STRBP: variants seen among roughly 807,000 people sequenced by gnomAD.
STRBP encodes the protein spermatid perinuclear RNA-binding protein.
A neutral mutation model predicts 80.1 loss-of-function variants in STRBP; 13 were observed. The observed-to-expected ratio is 0.16, with a 90% CI of 0.11 to 0.26. The LOEUF (loss-of-function observed/expected upper bound fraction) is 0.26, where lower values mean the gene tolerates loss of function less well. Ranked by LOEUF, STRBP falls within the 10% of genes least tolerant of loss-of-function variation. The probability of loss-of-function intolerance (pLI) is 1.00; values close to 1 mark genes in which losing one functional copy is unlikely to be tolerated. For synonymous variants in STRBP, 284 were observed against 291.2 expected, an observed-to-expected ratio of 0.98 and a Z score of 0.25; for missense variants, 485 against 815.2, an observed-to-expected ratio of 0.59 and a Z score of 4.93.
chr9:123,117,165 A>T (rs999346020), downstream of STRBP, among the ~76,000 whole-genome samples: 1 of 152,168 alleles, frequency 6.6e-6, no homozygotes, highest in African/African-American at 2.4e-5. Flanking sequence ...TATGAATGCC[A>T]GGCGCTCATT....
chr9:123,263,430 C>T lies in STRBP; in HGVS notation c.-302+5006G>A, dbSNP rs150904119. ...GTCCCAGCTACTCGAGATGCTAAGG[C>T]GGGAGGATCACTTGAGCTCTGGAGT... On this transcript the variant is annotated intron_variant, in intron 1 of 18. Coordinates refer to ENST00000348403, the MANE Select transcript of STRBP (RefSeq NM_018387.5). Among the ~76,000 whole-genome samples, 1,102 of 142,936 alleles carry T rather than the reference C, an allele frequency of 7.7e-3. 8 individuals are homozygous for T. The highest frequency in any genetic ancestry group is 0.013 in the Non-Finnish European group (897 of 66,778). 93.8% of individuals were successfully genotyped at this position (142,936 alleles called of 152,430 possible). A position where few individuals can be genotyped will look rare whatever the true frequency, so the allele number is the denominator to read the frequency against.
intron 2 of STRBP, among the ~76,000 whole-genome samples, chr9:123,227,869 T>C (rs955068731): frequency 4.6e-5 from 7 of 152,134 alleles, no homozygotes; most frequent in African/African-American, 1.4e-4. Context: ...TGATCTGACA[T>C]ATTTCTAAAG....
intron 4 of STRBP, among the ~76,000 whole-genome samples, chr9:123,176,633 TA>T (rs2038232186): frequency 6.6e-6 from 1 of 152,202 alleles, no homozygotes; most frequent in Admixed American, 6.5e-5. Context: ...TGGCACTCAA[TA>T]AACAGTAGCT....
At chr9:123,263,892 G>T (rs1471670781) in intron 1 of STRBP, among the ~76,000 whole-genome samples, 1 of 152,184 alleles carries the variant, frequency 6.6e-6, no homozygotes, top group Non-Finnish European at 1.5e-5. Flanking sequence ...TATAAGAATT[G>T]AATTTGGCTG....
chr9:123,142,302 T>A (rs1381650038), intron 13 of STRBP, among the ~76,000 whole-genome samples: 1 of 152,166 alleles, frequency 6.6e-6, no homozygotes, highest in Non-Finnish European at 1.5e-5. Flanking sequence ...TTCCTCGCCC[T>A]TCTCTCTTCC....
chr9:123,157,748 CA>C (rs778296142), intron 11 of STRBP, among the ~76,000 whole-genome samples: 23 of 151,966 alleles, frequency 1.5e-4, no homozygotes, highest in Admixed American at 2.6e-4. Flanking sequence ...CTCACTATCA[CA>C]ACAACAGCAT....
chr9:123,198,544 T>C (rs932599344), intron 2 of STRBP, among the ~76,000 whole-genome samples: 5 of 152,198 alleles, frequency 3.3e-5, no homozygotes, highest in Non-Finnish European at 5.9e-5. Context: ...CTTTCACCTA[T>C]TGTGTGGGTT....
Position 123,200,734 on chromosome 9 carries a change from A to ATTTT in STRBP, c.-164-16440_-164-16437dup, listed in dbSNP as rs71390418. ...AGGCGCCCCGCCACACACCCCGCTA[A>ATTTT]TTTTTTTTTTTTTTTTTTTTTTTTT... On this transcript the variant is annotated intron_variant, in intron 2 of 18. Transcript: ENST00000348403. 5.1e-4 allele frequency among the ~76,000 whole-genome samples: 19 copies of ATTTT among 37,508 alleles called. 7 individuals carry two copies. Among genetic ancestry groups the ATTTT allele is most frequent in the African/African-American group, 1.7e-3 (13 of 7,840 alleles). 24.6% of individuals were successfully genotyped at this position (37,508 alleles called of 152,430 possible).
At chr9:123,178,845 T>C (rs984466376) in intron 4 of STRBP, among the ~76,000 whole-genome samples, 162 bp downstream of exon 4, 6 of 152,210 alleles carry the variant, frequency 3.9e-5, no homozygotes, top group Middle Eastern at 3.2e-3. Flanking sequence ...CCTTTCAAAT[T>C]TAACTCAGAA....
intron 1 of STRBP, among the ~76,000 whole-genome samples, chr9:123,262,370 A>C (rs556059101): frequency 3.3e-5 from 5 of 152,346 alleles, no homozygotes; most frequent in African/African-American, 1.2e-4. Context: ...TTAAAATCAT[A>C]AACAAAATGC....
rs2035808888 is a variant in STRBP at position 123,123,976 on chromosome 9, T to C, written c.*1621A>G. On this transcript the variant is annotated 3_prime_UTR_variant, in exon 19 of 19. Transcript: ENST00000348403. ...ATAAGTTACAGCTATTTCCAGCAAG[T>C]GATGAGGTTTTATTAAAGTATCACC... 1 of 985,182 alleles carries C rather than the reference T, an allele frequency of 1.0e-6. No individual in the cohort carries two copies. The highest frequency in any genetic ancestry group is 1.7e-5 in the African/African-American group (1 of 57,182). The allele number at this position is 985,182 out of a possible 1,614,324, so 61.0% of individuals were successfully genotyped here. A position where few individuals can be genotyped will look rare whatever the true frequency, so the allele number is the denominator to read the frequency against.
At chr9:123,161,326 A>G (rs1462105149) in intron 6 of STRBP, among the ~76,000 whole-genome samples, 1 of 152,226 alleles carries the variant, frequency 6.6e-6, no homozygotes, top group Non-Finnish European at 1.5e-5. Flanking sequence ...AAACAAATCA[A>G]TGACAGCTGC....
intron 16 of STRBP, among the ~76,000 whole-genome samples, chr9:123,133,536 CTTTTTTTGGTTTT>C (rs1294826080): frequency 6.7e-6 from 1 of 149,470 alleles, no homozygotes; most frequent in African/African-American, 2.4e-5. Flanking sequence ...TACTAATTAT[CTTTTTTTGGTTTT>C]TTTTTTTGAG....
At chr9:123,233,752 T>C (rs1012093235) in intron 2 of STRBP, among the ~76,000 whole-genome samples, 3 of 152,220 alleles carry the variant, frequency 2.0e-5, no homozygotes, top group Non-Finnish European at 4.4e-5. Flanking sequence ...AACATGCTCA[T>C]GTTAGCTCAT....
intron 1 of STRBP, among the ~76,000 whole-genome samples, chr9:123,245,798 T>C (rs1020127136): frequency 3.9e-5 from 6 of 152,220 alleles, no homozygotes; most frequent in Admixed American, 2.0e-4. Flanking sequence ...AACATGTTAA[T>C]AAGATTATTA....
In STRBP at chr9:123,193,311, A is replaced by G. The variant is rs192776371; in HGVS notation, c.-164-9013T>C. Among the ~76,000 whole-genome samples the G allele has an allele frequency of 2.5e-4, 38 of 152,312 alleles. No homozygotes were observed. The East Asian group carries it at 4.8e-3, about 19-fold the overall frequency. ...AATTTATCCTTCCTTAGAGTGCCAT[A>G]ACCACAGAATCTAAGGAGGTTCCAT... is the stretch of plus-strand genomic sequence containing the variant. On this transcript the variant is annotated intron_variant, in intron 2 of 18. Coordinates refer to ENST00000348403, the MANE Select transcript of STRBP (RefSeq NM_018387.5).
At chr9:123,178,188 C>A (rs2038303916) in intron 4 of STRBP, among the ~76,000 whole-genome samples, 1 of 152,170 alleles carries the variant, frequency 6.6e-6, no homozygotes, top group African/African-American at 2.4e-5. Flanking sequence ...TTATTATTTA[C>A]TTATCACACT....
At chr9:123,227,553 CTTTTTT>C (rs372469553) in intron 2 of STRBP, among the ~76,000 whole-genome samples, 73 of 130,310 alleles carry the variant, frequency 5.6e-4, no homozygotes, top group African/African-American at 2.1e-3. Context: ...ATTGTTTTCT[CTTTTTT>C]TTTTTTTCTT....
intron 1 of STRBP, among the ~76,000 whole-genome samples, chr9:123,239,744 T>C (rs2040653414): frequency 6.6e-6 from 1 of 152,240 alleles, no homozygotes; most frequent in Non-Finnish European, 1.5e-5. Context: ...AGGATAGTTA[T>C]AAAATATTTG....
Sources: allele counts gnomAD v4.1 joint callset (sites outside exome capture counted in the v4.1 genomes callset), GRCh38; gene constraint gnomAD v4.1.1; transcripts MANE v1.5; gene names NCBI Gene and HGNC (gene_info 2026-07-23, HGNC 2026-07-21).